CLMN: variants seen among roughly 807,000 people sequenced by gnomAD.
CLMN encodes the protein calmin (calponin-like, transmembrane).
In CLMN, 57 loss-of-function variants were observed where a neutral mutation model predicts 92.7. That is an observed-to-expected ratio of 0.61 (90% CI 0.50 to 0.77). The LOEUF is 0.77. CLMN is among the 30% of genes least tolerant of loss of function. The probability of loss-of-function intolerance (pLI) is 0.00; values close to 1 mark genes in which losing one functional copy is unlikely to be tolerated. For synonymous variants in CLMN, 466 were observed against 470.6 expected (o/e 0.99, Z 0.13); for missense variants, 1,158 against 1,237.5 (o/e 0.94, Z 0.96).
chr14:95,263,793 C>T (rs1157264404), intron 1 of CLMN, among the ~76,000 whole-genome samples: 1 of 152,156 alleles, frequency 6.6e-6, no homozygotes, highest in African/African-American at 2.4e-5. Context: ...GGGATAATGG[C>T]AGTGCCCACC....
chr14:95,221,609 T>C (rs999317565), intron 4 of CLMN, 82 bp downstream of exon 4: 1 of 1,237,718 alleles, frequency 8.1e-7, no homozygotes, highest in Non-Finnish European at 1.2e-6. Context: ...ACGCTTCTCT[T>C]GCGACCAGCA....
At chr14:95,229,960 T>C in intron 2 of CLMN, 112 bp downstream of exon 2, 2 of 1,021,174 alleles carry the variant, frequency 2.0e-6, no homozygotes, top group Non-Finnish European at 3.0e-6. Flanking sequence ...AATGTTTAAA[T>C]GAATGAACAA....
chr14:95,305,020 A>G (rs1372310038), intron 1 of CLMN, among the ~76,000 whole-genome samples: 2 of 152,204 alleles, frequency 1.3e-5, no homozygotes. Flanking sequence ...GGGGAAAGCA[A>G]CCAAGGACTA....
At position 95,184,116 on chromosome 14, in the gene CLMN, CT is replaced by C. The variant is rs2140545744; in HGVS notation, c.*7447del. ...AAGGGGGCTGCTGGGCATCCTACAACTTCATAAACTTTCAAGAAAAGTATTT... is the reference window on the plus strand; with the variant it reads ...AAGGGGGCTGCTGGGCATCCTACAACTCATAAACTTTCAAGAAAAGTATTT... On this transcript the variant is annotated 3_prime_UTR_variant, in exon 13 of 13. Transcript: ENST00000298912. The C allele has an allele frequency of 6.6e-6, 1 of 152,326 alleles. No homozygotes were observed. Among genetic ancestry groups the C allele is most frequent in the African/African-American group, 2.4e-5 (1 of 41,582 alleles). The allele number at this position is 152,326 out of a possible 1,614,324, so 9.4% of individuals were successfully genotyped here.
chr14:95,278,527 ACT>A (rs1438688771), intron 1 of CLMN, among the ~76,000 whole-genome samples: 2 of 151,834 alleles, frequency 1.3e-5, no homozygotes, highest in African/African-American at 4.8e-5. Flanking sequence ...TTTTGGGAAA[ACT>A]CTGTTTTCCT....
At chr14:95,210,479 T>C (rs970643587) in intron 7 of CLMN, among the ~76,000 whole-genome samples, 6 of 152,192 alleles carry the variant, frequency 3.9e-5, no homozygotes, top group Non-Finnish European at 7.3e-5. Flanking sequence ...ATTATATATA[T>C]ACAGTAAATG....
chr14:95,214,512 G>T (rs1048923772), intron 5 of CLMN, among the ~76,000 whole-genome samples: 1 of 151,904 alleles, frequency 6.6e-6, no homozygotes, highest in African/African-American at 2.4e-5. Context: ...ACCATGCCTG[G>T]CTAATTTTGT....
intron 1 of CLMN, among the ~76,000 whole-genome samples, chr14:95,237,159 C>T (rs1898082945): frequency 1.3e-5 from 2 of 152,366 alleles, no homozygotes; most frequent in South Asian, 4.1e-4. Context: ...GACAATGAAG[C>T]CTGTGCACGC....
chr14:95,210,584 C>T, intron 7 of CLMN, 102 bp downstream of exon 7: 1 of 1,226,066 alleles, frequency 8.2e-7, no homozygotes. Flanking sequence ...AAAAAATCTT[C>T]TTCATTAGAT....
intron 1 of CLMN, among the ~76,000 whole-genome samples, chr14:95,245,897 CGGATGAATGGAT>C (rs1346764248): frequency 4.0e-4 from 43 of 107,100 alleles, no homozygotes; most frequent in Middle Eastern, 7.1e-3. Flanking sequence ...GATGGACACA[CGGATGAATGGAT>C]GGATGGATGG....
chr14:95,222,565 G>T (rs189933076), intron 3 of CLMN: 2 of 455,558 alleles, frequency 4.4e-6, no homozygotes, highest in Non-Finnish European at 8.8e-6. Flanking sequence ...CCCCGTGGAG[G>T]CCCACCAAGG....
intron 1 of CLMN, among the ~76,000 whole-genome samples, chr14:95,252,012 T>C (rs1056382279): frequency 3.3e-5 from 5 of 152,184 alleles, no homozygotes. Context: ...ATAACTTCCC[T>C]GCAGACCACT....
At chr14:95,300,245 C>T (rs1016304906) in intron 1 of CLMN, among the ~76,000 whole-genome samples, 3 of 152,200 alleles carry the variant, frequency 2.0e-5, no homozygotes, top group African/African-American at 7.2e-5. Context: ...GGAGTCACCA[C>T]AGTGTGACAA....
intron 1 of CLMN, among the ~76,000 whole-genome samples, chr14:95,274,083 T>TC (rs111481948): frequency 6.6e-6 from 1 of 152,182 alleles, no homozygotes; most frequent in Admixed American, 6.5e-5. Flanking sequence ...TCAATAGGTT[T>TC]CCCATGTTTT....
intron 1 of CLMN, among the ~76,000 whole-genome samples, chr14:95,255,350 T>A (rs1898954851): frequency 6.6e-6 from 1 of 152,192 alleles, no homozygotes; most frequent in South Asian, 2.1e-4. Flanking sequence ...GTGAGTATGG[T>A]GCAAGAAGAT....
intron 1 of CLMN, among the ~76,000 whole-genome samples, chr14:95,246,395 G>C (rs1210609509): frequency 6.6e-6 from 1 of 152,150 alleles, no homozygotes; most frequent in African/African-American, 2.4e-5. Context: ...CTCTCCTTTT[G>C]CCACTTAATG....
intron 1 of CLMN, among the ~76,000 whole-genome samples, chr14:95,298,350 G>A (rs894654127): frequency 1.1e-4 from 16 of 152,120 alleles, no homozygotes; most frequent in African/African-American, 3.9e-4. Flanking sequence ...GTAGCCTGCC[G>A]CTGCATCAGA....
At position 95,295,569 on chromosome 14, in the gene CLMN, C is replaced by T. The variant is rs116127180; in HGVS notation, c.82+24142G>A. On this transcript the variant is annotated intron_variant, in intron 1 of 12. Coordinates refer to ENST00000298912, the MANE Select transcript of CLMN (RefSeq NM_024734.4). ...TCAGGAGAGGACTCAGAAGAAGGGA[C>T]ACTGGACTAGCCCTCTTTGAATGCA... Among the ~76,000 whole-genome samples, 271 of 152,278 alleles carry T rather than the reference C, an allele frequency of 1.8e-3. 1 individual carries two copies. The highest frequency in any genetic ancestry group is 6.3e-3 in the African/African-American group (262 of 41,530).
chr14:95,221,953 T>C (rs1402993329), intron 3 of CLMN, among the ~76,000 whole-genome samples, 179 bp from the exon 4 acceptor site: 3 of 152,180 alleles, frequency 2.0e-5, no homozygotes, highest in African/African-American at 4.8e-5. Context: ...TCTCAGGACA[T>C]ACAAATGTGA....
Sources: allele counts gnomAD v4.1 joint callset (sites outside exome capture counted in the v4.1 genomes callset), GRCh38; gene constraint gnomAD v4.1.1; transcripts MANE v1.5; gene names NCBI Gene and HGNC (gene_info 2026-07-23, HGNC 2026-07-21).